Variants in ARHGAP28 observed in about 807,000 individuals in gnomAD.
ARHGAP28 encodes the protein Rho GTPase activating protein 28.
Under a neutral mutation model 90.7 loss-of-function variants are expected in ARHGAP28, and 56 were observed. The ratio of observed to expected loss-of-function variants is 0.62; its 90% CI spans 0.50 to 0.77. The LOEUF is 0.77. Among genes scored for constraint, ARHGAP28 ranks in the 30% least tolerant of loss-of-function variants. The probability of loss-of-function intolerance (pLI) is 0.00; values close to 1 mark genes in which losing one functional copy is unlikely to be tolerated. For missense variants in ARHGAP28, 869 were observed against 900.9 expected (o/e 0.96, Z 0.45); for synonymous variants, 308 against 323.3 (o/e 0.95, Z 0.51).
chr18:6,748,539 G>A (rs1323920856), intron 1 of ARHGAP28, among the ~76,000 whole-genome samples: 2 of 152,152 alleles, frequency 1.3e-5, no homozygotes, highest in African/African-American at 4.8e-5. Context: ...TGGCTTGGAT[G>A]TTTCTGGCTG....
chr18:6,749,321 A>C (rs2143243412), intron 1 of ARHGAP28, among the ~76,000 whole-genome samples: 1 of 152,322 alleles, frequency 6.6e-6, no homozygotes, highest in Middle Eastern at 3.4e-3. Context: ...TCTCTCCTAC[A>C]AATATTCCTT....
chr18:6,813,570 A>G (rs2056571286), intron 1 of ARHGAP28, among the ~76,000 whole-genome samples: 1 of 152,190 alleles, frequency 6.6e-6, no homozygotes, highest in Non-Finnish European at 1.5e-5. Flanking sequence ...AATATACTCA[A>G]TTTGATAACT....
At chr18:6,891,452 A>T (rs2143734565) in intron 14 of ARHGAP28, among the ~76,000 whole-genome samples, 1 of 151,940 alleles carries the variant, frequency 6.6e-6, no homozygotes, top group East Asian at 1.9e-4. Context: ...TTTAGTAGAG[A>T]CAGGGTATTT....
intron 10 of ARHGAP28, among the ~76,000 whole-genome samples, chr18:6,880,356 G>A (rs928281908): frequency 1.3e-5 from 2 of 152,082 alleles, no homozygotes; most frequent in Non-Finnish European, 2.9e-5. Context: ...TTAGTCCTTA[G>A]TTATCCCTCC....
At chr18:6,858,648 A>G (rs561019467) in intron 4 of ARHGAP28, among the ~76,000 whole-genome samples, 10 of 152,000 alleles carry the variant, frequency 6.6e-5, no homozygotes, top group Admixed American at 3.9e-4. Flanking sequence ...GGTTCAAGCA[A>G]TTCTCCTGCC....
At chr18:6,827,253 A>G (rs1300186404) in intron 2 of ARHGAP28, among the ~76,000 whole-genome samples, 2 of 151,442 alleles carry the variant, frequency 1.3e-5, no homozygotes, top group Non-Finnish European at 3.0e-5. Context: ...CTCACTTCCC[A>G]GTAGGGGCGG....
At chr18:6,902,441 T>C (rs1380854637) in intron 16 of ARHGAP28, among the ~76,000 whole-genome samples, 2 of 152,202 alleles carry the variant, frequency 1.3e-5, no homozygotes, top group Non-Finnish European at 1.5e-5. Context: ...CTACCAGTTT[T>C]TTTAAAACCA....
At chr18:6,816,902 A>T (rs1162021519) in intron 1 of ARHGAP28, among the ~76,000 whole-genome samples, 1 of 151,996 alleles carries the variant, frequency 6.6e-6, no homozygotes, top group African/African-American at 2.4e-5. Context: ...AGTCTGGGTA[A>T]CATAACAAGA....
At chr18:6,863,591 G>A (rs1479784422) in intron 5 of ARHGAP28, among the ~76,000 whole-genome samples, 1 of 151,720 alleles carries the variant, frequency 6.6e-6, no homozygotes, top group Non-Finnish European at 1.5e-5. Flanking sequence ...GCAGGGTTAT[G>A]CTAACCTTTG....
At chr18:6,741,163 TA>T (rs936499407) in intron 1 of ARHGAP28, among the ~76,000 whole-genome samples, 1 of 151,762 alleles carries the variant, frequency 6.6e-6, no homozygotes, top group Non-Finnish European at 1.5e-5. Flanking sequence ...ATTAGCATCT[TA>T]AAAAAAAATT....
At chr18:6,761,898 ACT>A (rs1228571495) in intron 1 of ARHGAP28, among the ~76,000 whole-genome samples, 1 of 152,132 alleles carries the variant, frequency 6.6e-6, no homozygotes, top group Non-Finnish European at 1.5e-5. Flanking sequence ...TTGTTGGCAC[ACT>A]CTGTGGTTAT....
chr18:6,732,554 C>T (rs1021679356), intron 1 of ARHGAP28, among the ~76,000 whole-genome samples: 1 of 152,232 alleles, frequency 6.6e-6, no homozygotes, highest in African/African-American at 2.4e-5. Flanking sequence ...GCCTGCCATC[C>T]CTAGCTGAAG....
intron 17 of ARHGAP28, among the ~76,000 whole-genome samples, chr18:6,910,708 T>C (rs2143877328): frequency 6.6e-6 from 1 of 152,284 alleles, no homozygotes; most frequent in South Asian, 2.1e-4. Context: ...AGTTGCCTTG[T>C]GCTGCTCTTA....
At chr18:6,772,687 G>T (rs2056252702) in intron 1 of ARHGAP28, among the ~76,000 whole-genome samples, 3 of 151,954 alleles carry the variant, frequency 2.0e-5, no homozygotes, top group Admixed American at 6.6e-5. Flanking sequence ...ATGCATTTTT[G>T]ACTTATTTGA....
chr18:6,757,748 AGT>A (rs757716853), intron 1 of ARHGAP28, among the ~76,000 whole-genome samples: 1 of 152,202 alleles, frequency 6.6e-6, no homozygotes, highest in African/African-American at 2.4e-5. Flanking sequence ...CCAAATATCC[AGT>A]GTTTTCAGCA....
intron 1 of ARHGAP28, chr18:6,790,251 C>A (rs542205113): frequency 6.6e-6 from 1 of 152,292 alleles, no homozygotes; most frequent in African/African-American, 2.4e-5. Flanking sequence ...ACCTTAAGTA[C>A]ACTTAATGAT....
intron 1 of ARHGAP28, among the ~76,000 whole-genome samples, chr18:6,804,718 A>G (rs1327809633): frequency 2.6e-5 from 4 of 152,210 alleles, no homozygotes; most frequent in African/African-American, 4.8e-5. Context: ...GATTTTCCAG[A>G]TATCTTTCCA....
rs1027960329 is a variant in ARHGAP28 at position 6,737,816 on chromosome 18, G to GT, written c.122+7878dup. On this transcript the variant is annotated intron_variant, in intron 1 of 17. Transcript: ENST00000383472. ...AAGTGGGAAATAAAAAAAGTAGATT[G>GT]TTTTTCTATATATGCGTCTTCTTAA... is the stretch of plus-strand genomic sequence containing the variant. Among the ~76,000 whole-genome samples the GT allele has an allele frequency of 7.9e-4, 121 of 152,270 alleles. 1 individual carries two copies. Among genetic ancestry groups the GT allele is most frequent in the African/African-American group, 2.6e-3 (110 of 41,578 alleles).
At chr18:6,884,464 C>T (rs1346244570) in intron 11 of ARHGAP28, among the ~76,000 whole-genome samples, 4 of 152,208 alleles carry the variant, frequency 2.6e-5, no homozygotes, top group Non-Finnish European at 5.9e-5. Context: ...GTTACACTTT[C>T]CTTGTTACTT....
Sources: gnomAD v4.1 joint callset for allele counts (sites outside exome capture counted in the v4.1 genomes callset) on GRCh38, gnomAD v4.1.1 for gene constraint, MANE v1.5 for transcripts, NCBI Gene and HGNC (gene_info 2026-07-23, HGNC 2026-07-21) for gene names.